Variants in PRDM6 observed in about 807,000 individuals in gnomAD.
PRDM6 encodes the protein PR/SET domain 6.
In PRDM6, 25 loss-of-function variants were observed where a neutral mutation model predicts 60.8. The ratio of observed to expected loss-of-function variants is 0.41; its 90% CI spans 0.30 to 0.57. PRDM6 has a LOEUF of 0.57. Among genes scored for constraint, PRDM6 ranks in the 20% least tolerant of loss-of-function variants. The pLI is 0.27. For synonymous variants in PRDM6, 407 were observed against 357.4 expected (o/e 1.14, Z -1.57); for missense variants, 839 against 821.3 (o/e 1.02, Z -0.26).
At chr5:123,168,925 G>A (rs560349745) in intron 5 of PRDM6, among the ~76,000 whole-genome samples, 4 of 152,166 alleles carry the variant, frequency 2.6e-5, no homozygotes, top group Admixed American at 6.5e-5. Flanking sequence ...ACAGAGCTTC[G>A]TGGCAGTCAT....
chr5:123,130,389 C>G (rs1268948106), intron 3 of PRDM6, among the ~76,000 whole-genome samples: 1 of 130,036 alleles, frequency 7.7e-6, no homozygotes, highest in Admixed American at 9.0e-5. Context: ...CTCTCTTTAT[C>G]TCTTTCTCAA....
At chr5:123,159,674 A>G (rs1172019622) in intron 5 of PRDM6, 36 bp downstream of exon 5, 8 of 1,545,164 alleles carry the variant, frequency 5.2e-6, no homozygotes, top group East Asian at 2.4e-5. Context: ...TCACATTTCA[A>G]TATACCTATT....
intron 3 of PRDM6, among the ~76,000 whole-genome samples, chr5:123,145,311 C>CACCT (rs1369785172): frequency 6.6e-6 from 1 of 152,190 alleles, no homozygotes; most frequent in Admixed American, 6.5e-5. Context: ...ACATGTCTCT[C>CACCT]ACCTATGGCA....
chr5:123,182,119 A>G (rs1171135143), intron 7 of PRDM6, among the ~76,000 whole-genome samples: 3 of 152,222 alleles, frequency 2.0e-5, no homozygotes, highest in Non-Finnish European at 4.4e-5. Context: ...TGAGGCTGCA[A>G]TAGCCCAAAG....
At chr5:123,127,824 T>C (rs1764728516) in intron 3 of PRDM6, among the ~76,000 whole-genome samples, 1 of 151,912 alleles carries the variant, frequency 6.6e-6, no homozygotes, top group Non-Finnish European at 1.5e-5. Flanking sequence ...AACGTGCAGG[T>C]TTCATACATA....
intron 3 of PRDM6, among the ~76,000 whole-genome samples, chr5:123,155,235 T>C (rs1765465514): frequency 3.3e-5 from 5 of 151,798 alleles, no homozygotes. Context: ...ACAGCCATTT[T>C]TTTTCTTTCC....
chr5:123,125,612 G>C (rs1035523568), intron 3 of PRDM6, among the ~76,000 whole-genome samples: 1 of 152,182 alleles, frequency 6.6e-6, no homozygotes, highest in South Asian at 2.1e-4. Flanking sequence ...CAGAATGTAA[G>C]CAAGGATACT....
intron 3 of PRDM6, among the ~76,000 whole-genome samples, chr5:123,111,707 C>CAAAAA (rs70988559): frequency 5.8e-5 from 6 of 103,800 alleles, no homozygotes; most frequent in African/African-American, 1.9e-4. Flanking sequence ...CAAAACAAAA[C>CAAAAA]AAAAAAAAAA....
chr5:123,147,508 G>A (rs528358274), intron 3 of PRDM6, among the ~76,000 whole-genome samples: 40 of 152,310 alleles, frequency 2.6e-4, no homozygotes, highest in African/African-American at 7.0e-4. Flanking sequence ...AGCCAGTGCC[G>A]TGAAAAATGG....
chr5:123,158,085 C>T (rs1235455735), intron 4 of PRDM6, among the ~76,000 whole-genome samples: 3 of 152,212 alleles, frequency 2.0e-5, no homozygotes, highest in South Asian at 2.1e-4. Context: ...CGCCTTTCGG[C>T]CTATTCGGTG....
intron 5 of PRDM6, among the ~76,000 whole-genome samples, chr5:123,167,794 T>C (rs10071061): frequency 0.32 from 48,465 of 152,160 alleles, 7,990 homozygotes; most frequent in East Asian, 0.59. Flanking sequence ...ATTCCTTTTC[T>C]TACAGTGAGG....
At chr5:123,170,166 C>T (rs1765852648) in intron 5 of PRDM6, among the ~76,000 whole-genome samples, 1 of 152,168 alleles carries the variant, frequency 6.6e-6, no homozygotes, top group Admixed American at 6.5e-5. Context: ...ATCCCATGCC[C>T]TGCTCAGTCA....
intron 5 of PRDM6, among the ~76,000 whole-genome samples, chr5:123,163,122 T>G (rs1765674342): frequency 6.6e-6 from 1 of 152,118 alleles, no homozygotes; most frequent in Non-Finnish European, 1.5e-5. Context: ...AGAGCCTCTT[T>G]ATAGGGCTCT....
At chr5:123,153,201 A>G (rs1455091587) in intron 3 of PRDM6, among the ~76,000 whole-genome samples, 1 of 30,504 alleles carries the variant, frequency 3.3e-5, no homozygotes, top group Non-Finnish European at 9.5e-5. Context: ...ACTGAACTAC[A>G]AAAAAAAAAA....
intron 4 of PRDM6, among the ~76,000 whole-genome samples, chr5:123,157,542 G>A (rs1037644133): frequency 1.3e-5 from 2 of 152,074 alleles, no homozygotes; most frequent in Non-Finnish European, 1.5e-5. Context: ...CTTTCATGAC[G>A]GCGCTTACAC....
intron 3 of PRDM6, among the ~76,000 whole-genome samples, chr5:123,144,242 C>G (rs615954): frequency 0.5 from 76,278 of 152,100 alleles, 19,348 homozygotes; most frequent in East Asian, 0.61. Flanking sequence ...TCTATGAGGA[C>G]TAACACAGCC....
intron 3 of PRDM6, among the ~76,000 whole-genome samples, chr5:123,137,302 G>A (rs1481965365): frequency 1.3e-5 from 2 of 152,178 alleles, no homozygotes; most frequent in Non-Finnish European, 2.9e-5. Context: ...CACTATTGGT[G>A]TCTTGGGATC....
At position 123,170,201 on chromosome 5, in the gene PRDM6, C is replaced by T. The variant is rs182930434; in HGVS notation, c.1154-565C>T. Among the ~76,000 whole-genome samples, 422 of 152,266 alleles carry T rather than the reference C, an allele frequency of 2.8e-3. 2 individuals are homozygous for T. Among genetic ancestry groups the T allele is most frequent in the African/African-American group, 0.01 (417 of 41,536 alleles). On this transcript the variant is annotated intron_variant, in intron 5 of 7. Coordinates refer to ENST00000407847, the MANE Select transcript of PRDM6 (RefSeq NM_001136239.4). ...AGCCCGTCTCCCTTACTGCATGCGA[C>T]ACTCCTCCTGCCTCCTCCCACCTGC...
intron 5 of PRDM6, among the ~76,000 whole-genome samples, chr5:123,168,757 A>G (rs1765818995): frequency 1.3e-5 from 2 of 152,244 alleles, no homozygotes; most frequent in Non-Finnish European, 2.9e-5. Flanking sequence ...CTAAGACAGT[A>G]TGGGCTATGC....
Sources: allele counts gnomAD v4.1 joint callset (sites outside exome capture counted in the v4.1 genomes callset), GRCh38; gene constraint gnomAD v4.1.1; transcripts MANE v1.5; gene names NCBI Gene and HGNC (gene_info 2026-07-23, HGNC 2026-07-21).